FHIT: variants seen among roughly 807,000 people sequenced by gnomAD.
The protein encoded by FHIT is fragile histidine triad diadenosine triphosphatase.
FHIT carries 19 observed loss-of-function variants against 17.9 expected under a neutral mutation model. The observed-to-expected ratio is 1.06, with a 90% CI of 0.74 to 1.56. The LOEUF is 1.56. FHIT is among the 40% of genes most tolerant of loss of function. The pLI is 0.00. For missense variants in FHIT, 248 were observed against 189.2 expected, an observed-to-expected ratio of 1.31 and a Z score of -1.82; for synonymous variants, 81 against 69.7, an observed-to-expected ratio of 1.16 and a Z score of -0.81.
chr3:60,235,062 G>A (rs1308150028), intron 5 of FHIT, among the ~76,000 whole-genome samples: 1 of 151,988 alleles, frequency 6.6e-6, no homozygotes, highest in African/African-American at 2.4e-5. Context: ...TGGAATAAGA[G>A]AGAGATTCAA....
At chr3:60,051,529 T>C (rs1293377728) in intron 5 of FHIT, among the ~76,000 whole-genome samples, 2 of 152,098 alleles carry the variant, frequency 1.3e-5, no homozygotes, top group African/African-American at 4.8e-5. Flanking sequence ...TTCCGTAAGA[T>C]ATGCCCACCA....
Position 60,027,801 on chromosome 3 carries a change from T to A in FHIT, c.104-13649A>T, listed in dbSNP as rs570124784. 5.3e-5 allele frequency among the ~76,000 whole-genome samples: 8 copies of A among 152,156 alleles called. No individual in the cohort carries two copies. In the South Asian group the frequency reaches 1.7e-3, roughly 32 times the overall value. On this transcript the variant is annotated intron_variant, in intron 5 of 9. Coordinates refer to ENST00000492590, the MANE Select transcript of FHIT (RefSeq NM_002012.4). ...GTTATTGATATTCCTCGATCCATCA[T>A]AATTTAGCTAACATAGATCACTGCC...
intron 4 of FHIT, among the ~76,000 whole-genome samples, chr3:60,625,901 T>G (rs1553680778): frequency 6.6e-6 from 1 of 152,232 alleles, no homozygotes; most frequent in African/African-American, 2.4e-5. Flanking sequence ...AAGATTCATT[T>G]TGAGATAATC....
Position 60,362,910 on chromosome 3 carries a change from A to T in FHIT, c.103+173950T>A, listed in dbSNP as rs74540713. Reference sequence around the variant, plus strand: ...GAGAAATCAGAAGTTAAATCACCATAACAATGACCATAAGCAGCAGAGAAC... The same window carrying T: ...GAGAAATCAGAAGTTAAATCACCATTACAATGACCATAAGCAGCAGAGAAC... On this transcript the variant is annotated intron_variant, in intron 5 of 9. Transcript: ENST00000492590. Among the ~76,000 whole-genome samples, 757 of 152,312 alleles carry T rather than the reference A, an allele frequency of 5.0e-3. 5 individuals carry two copies. Among genetic ancestry groups the T allele is most frequent in the African/African-American group, 0.016 (681 of 41,566 alleles).
At chr3:60,884,837 TG>T (rs1553758900) in intron 3 of FHIT, among the ~76,000 whole-genome samples, 1 of 147,314 alleles carries the variant, frequency 6.8e-6, no homozygotes, top group Non-Finnish European at 1.5e-5. Flanking sequence ...CCCAGAAAAT[TG>T]AGGCTGCAGA....
intron 5 of FHIT, among the ~76,000 whole-genome samples, chr3:60,132,485 G>A (rs986986921): frequency 6.6e-6 from 1 of 152,128 alleles, no homozygotes; most frequent in African/African-American, 2.4e-5. Flanking sequence ...AATGGTATTG[G>A]CAAACATTAC....
At chr3:60,012,578 A>C (rs1700185003) in intron 6 of FHIT, among the ~76,000 whole-genome samples, 1 of 152,092 alleles carries the variant, frequency 6.6e-6, no homozygotes, top group South Asian at 2.1e-4. Flanking sequence ...CAGAAATCAG[A>C]TCTTAATAGA....
At chr3:60,349,415 G>A (rs899529301) in intron 5 of FHIT, among the ~76,000 whole-genome samples, 7 of 152,134 alleles carry the variant, frequency 4.6e-5, no homozygotes, top group Non-Finnish European at 8.8e-5. Context: ...TGCTTACCAC[G>A]TGGACGAATA....
At chr3:60,327,585 T>C (rs1222225400) in intron 5 of FHIT, among the ~76,000 whole-genome samples, 1 of 152,186 alleles carries the variant, frequency 6.6e-6, no homozygotes, top group East Asian at 1.9e-4. Flanking sequence ...TGCTAAATAT[T>C]TAATATTATG....
At chr3:59,998,814 A>T (rs1699618223) in intron 7 of FHIT, among the ~76,000 whole-genome samples, 1 of 152,158 alleles carries the variant, frequency 6.6e-6, no homozygotes, top group Admixed American at 6.6e-5. Context: ...TTTCCAGTTT[A>T]TTTCTGACAC....
In FHIT at chr3:61,222,977, T is replaced by C. The variant is rs144272549; in HGVS notation, c.-212-22312A>G. ...ACTACAGTGACATACCAAAATTTGC[T>C]ATTTTTCTAAGAGGACATTGACAGA... On this transcript the variant is annotated intron_variant, in intron 1 of 9. Transcript: ENST00000492590. Among the ~76,000 whole-genome samples the C allele has an allele frequency of 3.0e-3, 453 of 152,304 alleles. 3 individuals are homozygous for C. The highest frequency in any genetic ancestry group is 8.6e-3 in the African/African-American group (356 of 41,570).
intron 2 of FHIT, among the ~76,000 whole-genome samples, chr3:61,068,134 T>C (rs2034675643): frequency 6.6e-6 from 1 of 152,208 alleles, no homozygotes; most frequent in Admixed American, 6.5e-5. Context: ...AGAACAAATT[T>C]ACACAAACTT....
chr3:60,931,352 C>G (rs1007324274), intron 3 of FHIT, among the ~76,000 whole-genome samples: 1 of 152,130 alleles, frequency 6.6e-6, no homozygotes, highest in Non-Finnish European at 1.5e-5. Context: ...TACCCTAAAA[C>G]TTACAGTATA....
chr3:60,340,287 A>C (rs2106895849), intron 5 of FHIT, among the ~76,000 whole-genome samples: 1 of 152,358 alleles, frequency 6.6e-6, no homozygotes, highest in African/African-American at 2.4e-5. Context: ...TTATATAAAT[A>C]GGAAGCGAGA....
chr3:59,975,709 G>C (rs902355839), intron 7 of FHIT, among the ~76,000 whole-genome samples: 1 of 152,028 alleles, frequency 6.6e-6, no homozygotes, highest in Non-Finnish European at 1.5e-5. Flanking sequence ...GAAATAAAAA[G>C]ACTCATCCTG....
intron 5 of FHIT, among the ~76,000 whole-genome samples, chr3:60,382,694 T>C (rs1700855591): frequency 6.6e-6 from 1 of 152,188 alleles, no homozygotes; most frequent in East Asian, 1.9e-4. Flanking sequence ...CAGAGGTTTT[T>C]TTACCCCCAC....
At chr3:60,022,823 T>G (rs1700601112) in intron 5 of FHIT, among the ~76,000 whole-genome samples, 1 of 152,180 alleles carries the variant, frequency 6.6e-6, no homozygotes, top group Non-Finnish European at 1.5e-5. Flanking sequence ...ATAAAAATGT[T>G]TTTTCAAGAA....
At chr3:60,612,602 C>T in intron 4 of FHIT, among the ~76,000 whole-genome samples, 1 of 152,080 alleles carries the variant, frequency 6.6e-6, no homozygotes, top group Non-Finnish European at 1.5e-5. Context: ...GCCAGGTCAC[C>T]CATTCCAAGT....
chr3:59,855,925 C>T (rs1042099117), intron 8 of FHIT, among the ~76,000 whole-genome samples: 9 of 142,126 alleles, frequency 6.3e-5, no homozygotes, highest in South Asian at 2.3e-4. Flanking sequence ...GGACTACAGG[C>T]GCCCGCCACC....
Sources: gnomAD v4.1 joint callset for allele counts (sites outside exome capture counted in the v4.1 genomes callset) on GRCh38, gnomAD v4.1.1 for gene constraint, MANE v1.5 for transcripts, NCBI Gene and HGNC (gene_info 2026-07-23, HGNC 2026-07-21) for gene names.